Variants in C1QTNF7 observed in about 807,000 individuals in gnomAD.
C1QTNF7 encodes complement C1q tumor necrosis factor-related protein 7.
In C1QTNF7, 15 loss-of-function variants were observed where a neutral mutation model predicts 19.6. That is an observed-to-expected ratio of 0.76 (90% CI 0.51 to 1.18). The LOEUF is 1.18. Among genes scored for constraint, C1QTNF7 ranks in the 50% most tolerant of loss-of-function variants. The probability of loss-of-function intolerance (pLI) is 0.00; values close to 1 mark genes in which losing one functional copy is unlikely to be tolerated. For missense variants in C1QTNF7, 324 were observed against 359.7 expected, an observed-to-expected ratio of 0.90 and a Z score of 0.80; for synonymous variants, 142 against 137.5, an observed-to-expected ratio of 1.03 and a Z score of -0.23.
chr4:15,439,790 TA>T (rs1712675921), intron 2 of C1QTNF7, among the ~76,000 whole-genome samples: 1 of 152,138 alleles, frequency 6.6e-6, no homozygotes, highest in Non-Finnish European at 1.5e-5. Context: ...ATTTGTGAAA[TA>T]GATTTGGCCA....
At chr4:15,349,068 A>C (rs919502993) in intron 1 of C1QTNF7, among the ~76,000 whole-genome samples, 1 of 152,208 alleles carries the variant, frequency 6.6e-6, no homozygotes, top group African/African-American at 2.4e-5. Context: ...GAAGTGACAC[A>C]TACATAAAAG....
intron 1 of C1QTNF7, among the ~76,000 whole-genome samples, chr4:15,398,665 C>A (rs1718877071): frequency 6.6e-6 from 1 of 152,270 alleles, no homozygotes; most frequent in East Asian, 1.9e-4. Context: ...TTACCTGTGG[C>A]AAATCTGTAG....
chr4:15,389,854 G>A (rs1477117644), intron 1 of C1QTNF7, among the ~76,000 whole-genome samples: 3 of 152,154 alleles, frequency 2.0e-5, no homozygotes, highest in African/African-American at 7.2e-5. Flanking sequence ...AGTAGGTCAG[G>A]GGGCAGGAAA....
At chr4:15,428,401 T>C (rs530223180) in intron 1 of C1QTNF7, among the ~76,000 whole-genome samples, 2 of 152,332 alleles carry the variant, frequency 1.3e-5, no homozygotes, top group African/African-American at 4.8e-5. Context: ...GTCAGGGTTT[T>C]TTTTAATCAC....
At chr4:15,340,565 C>G (rs570702943) in intron 1 of C1QTNF7, among the ~76,000 whole-genome samples, 4 of 152,210 alleles carry the variant, frequency 2.6e-5, no homozygotes, top group South Asian at 2.1e-4. Context: ...TTTCTTATCC[C>G]CTTATATGCA....
rs564960892 is a variant in C1QTNF7 at position 15,349,714 on chromosome 4, T to C, written c.13+9507T>C. On this transcript the variant is annotated intron_variant, in intron 1 of 2. Transcript: ENST00000295297. The stretch of plus-strand genomic sequence containing the variant: ...GAAAATGAATTCCTTTTCTTTTCCT[T>C]GACCCGGGTCTTGCCTTGGAACCAA... Among the ~76,000 whole-genome samples the C allele has an allele frequency of 2.0e-5, 3 of 152,296 alleles. No individual in the cohort carries two copies. The South Asian group carries it at 6.2e-4, about 32-fold the overall frequency.
intron 1 of C1QTNF7, among the ~76,000 whole-genome samples, chr4:15,367,678 CCTTT>C (rs1295285317): frequency 6.6e-6 from 1 of 152,138 alleles, no homozygotes; most frequent in Non-Finnish European, 1.5e-5. Flanking sequence ...CTTGGTTCTA[CCTTT>C]TGGTAGCCTT....
intron 1 of C1QTNF7, among the ~76,000 whole-genome samples, chr4:15,351,341 A>G (rs559244182): frequency 1.3e-5 from 2 of 152,148 alleles, no homozygotes; most frequent in Non-Finnish European, 2.9e-5. Flanking sequence ...CACAAATTTT[A>G]GCTTTTCTTT....
chr4:15,425,014 A>C (rs1228874953), upstream of C1QTNF7, among the ~76,000 whole-genome samples: 1 of 152,124 alleles, frequency 6.6e-6, no homozygotes, highest in African/African-American at 2.4e-5. Flanking sequence ...CCAAGCATTC[A>C]GCATCTGACA....
intron 1 of C1QTNF7, among the ~76,000 whole-genome samples, chr4:15,398,500 C>G (rs1217559817): frequency 6.6e-6 from 1 of 152,152 alleles, no homozygotes; most frequent in Non-Finnish European, 1.5e-5. Flanking sequence ...ACAGTGAACA[C>G]TTCAGCATAT....
chr4:15,404,935 A>G (rs1719138828), intron 1 of C1QTNF7, among the ~76,000 whole-genome samples: 1 of 152,208 alleles, frequency 6.6e-6, no homozygotes, highest in Non-Finnish European at 1.5e-5. Flanking sequence ...TTCAATTTTA[A>G]TGTACATTGA....
intron 1 of C1QTNF7, among the ~76,000 whole-genome samples, chr4:15,435,525 C>T (rs1289528844): frequency 6.6e-6 from 1 of 152,150 alleles, no homozygotes; most frequent in Non-Finnish European, 1.5e-5. Context: ...CACCAACTCC[C>T]GTGTAGGGCA....
At chr4:15,417,212 C>A (rs1426908245) in intron 1 of C1QTNF7, among the ~76,000 whole-genome samples, 1 of 152,106 alleles carries the variant, frequency 6.6e-6, no homozygotes, top group Non-Finnish European at 1.5e-5. Context: ...TACAATTCAG[C>A]AGCATTTAGA....
chr4:15,393,367 G>T (rs1344714426), intron 1 of C1QTNF7, among the ~76,000 whole-genome samples: 2 of 152,180 alleles, frequency 1.3e-5, no homozygotes, highest in Non-Finnish European at 2.9e-5. Context: ...AGGCCATTCT[G>T]CAGGACTCTT....
At chr4:15,413,870 G>C (rs1179655801) in intron 1 of C1QTNF7, among the ~76,000 whole-genome samples, 1 of 152,174 alleles carries the variant, frequency 6.6e-6, no homozygotes, top group African/African-American at 2.4e-5. Context: ...TCAGTTTTTA[G>C]TTCCAATCCT....
At chr4:15,398,955 G>A (rs1434729489) in intron 1 of C1QTNF7, among the ~76,000 whole-genome samples, 2 of 152,144 alleles carry the variant, frequency 1.3e-5, no homozygotes, top group African/African-American at 4.8e-5. Flanking sequence ...CTTGGGATGG[G>A]CTGTCCGTAT....
chr4:15,372,131 A>G (rs935137200), intron 1 of C1QTNF7, among the ~76,000 whole-genome samples: 1 of 152,210 alleles, frequency 6.6e-6, no homozygotes, highest in Non-Finnish European at 1.5e-5. Flanking sequence ...AAAAGGCTCA[A>G]TAAGTATTCG....
intron 1 of C1QTNF7, among the ~76,000 whole-genome samples, chr4:15,343,009 A>G (rs1716596611): frequency 6.6e-6 from 1 of 152,222 alleles, no homozygotes; most frequent in South Asian, 2.1e-4. Context: ...CTGAGGATTA[A>G]ATTAGAGAGT....
chr4:15,340,000 G>A, exon 1 of C1QTNF7: 4 of 692,342 alleles, frequency 5.8e-6, no homozygotes, highest in Non-Finnish European at 1.0e-5. Context: ...ACAACAGCAT[G>A]AGCTCCAAGC....
Sources: gnomAD v4.1 joint callset for allele counts (sites outside exome capture counted in the v4.1 genomes callset) on GRCh38, gnomAD v4.1.1 for gene constraint, MANE v1.5 for transcripts, NCBI Gene and HGNC (gene_info 2026-07-23, HGNC 2026-07-21) for gene names.